The following ARHGAP32 variants were observed in gnomAD, a reference collection of about 807,000 sequenced individuals.
The protein encoded by ARHGAP32 is rho GTPase-activating protein 32.
Under a neutral mutation model 186.5 loss-of-function variants are expected in ARHGAP32, and 51 were observed. The observed-to-expected ratio is 0.27, with a 90% confidence interval of 0.22 to 0.35. The LOEUF (loss-of-function observed/expected upper bound fraction) is 0.35. ARHGAP32 is among the 10% of genes least tolerant of loss of function. ARHGAP32 has a pLI of 1.00. For synonymous variants in ARHGAP32, 950 were observed against 964.3 expected, an observed-to-expected ratio of 0.99 and a Z score of 0.27; for missense variants, 2,186 against 2,623.5, an observed-to-expected ratio of 0.83 and a Z score of 3.64.
chr11:129,084,305 T>C (rs1941312216), intron 6 of ARHGAP32, among the ~76,000 whole-genome samples: 1 of 151,302 alleles, frequency 6.6e-6, no homozygotes, highest in Non-Finnish European at 1.5e-5. Context: ...AGGCCAACAT[T>C]TTCCTAAGAC....
At chr11:129,191,508 C>A (rs927914102) in intron 1 of ARHGAP32, among the ~76,000 whole-genome samples, 1 of 151,994 alleles carries the variant, frequency 6.6e-6, no homozygotes, top group African/African-American at 2.4e-5. Context: ...ACTAATACTA[C>A]CAGAGATTCA....
intron 8 of ARHGAP32, 110 bp downstream of exon 8, chr11:129,064,731 C>A: frequency 1.3e-6 from 1 of 778,540 alleles, no homozygotes; most frequent in South Asian, 1.8e-5. Flanking sequence ...GAATATACTT[C>A]ATTTCTTTGA....
Position 129,177,548 on chromosome 11 carries a change from G to A in ARHGAP32, c.117-13121C>T, listed in dbSNP as rs560089268. ...ATGCAAAAACCCTTAATAAAATACT[G>A]GCAAACTGAATCCAGCAGCACATCA... On this transcript the variant is annotated intron_variant, in intron 1 of 22. Transcript: ENST00000682385. 4.6e-5 allele frequency among the ~76,000 whole-genome samples: 7 copies of A among 152,242 alleles called. No homozygotes were observed. In the East Asian group the frequency reaches 1.2e-3, roughly 25 times the overall value.
chr11:129,086,549 T>TGG lies in ARHGAP32; in HGVS notation c.531+7070_531+7071dup, dbSNP rs1565415024. On this transcript the variant is annotated intron_variant, in intron 6 of 22. Transcript: ENST00000682385. ...CAAAAGACACACTGATGGCCGGGCA[T>TGG]GGTGGCTCACGCCTGTAATCCCAGC... Among the ~76,000 whole-genome samples the TGG allele has an allele frequency of 6.2e-5, 4 of 64,890 alleles. No homozygotes were observed. The East Asian group carries it at 1.6e-3, about 25-fold the overall frequency. 42.6% of individuals were successfully genotyped at this position (64,890 alleles called of 152,430 possible).
At chr11:129,025,426 G>C (rs1439670644) in intron 11 of ARHGAP32, among the ~76,000 whole-genome samples, 1 of 152,174 alleles carries the variant, frequency 6.6e-6, no homozygotes, top group African/African-American at 2.4e-5. Flanking sequence ...AGATCATAGA[G>C]AATTCCAGTA....
chr11:129,238,737 A>G (rs1389648991), intron 1 of ARHGAP32, among the ~76,000 whole-genome samples: 1 of 144,198 alleles, frequency 6.9e-6, no homozygotes, highest in African/African-American at 2.6e-5. Context: ...CCAATTGCAT[A>G]ATCATAGAAC....
At chr11:129,198,598 T>C (rs559085503) in intron 1 of ARHGAP32, among the ~76,000 whole-genome samples, 1 of 152,336 alleles carries the variant, frequency 6.6e-6, no homozygotes, top group East Asian at 1.9e-4. Context: ...GTCCCTTTGG[T>C]CTTCCTTCAT....
chr11:129,255,922 G>A (rs969881325), intron 1 of ARHGAP32, among the ~76,000 whole-genome samples: 2 of 152,012 alleles, frequency 1.3e-5, no homozygotes, highest in Admixed American at 6.6e-5. Flanking sequence ...AGTAATATTC[G>A]TAAGTCAAAA....
At chr11:129,206,969 C>T (rs901563613) in intron 1 of ARHGAP32, among the ~76,000 whole-genome samples, 2 of 151,998 alleles carry the variant, frequency 1.3e-5, no homozygotes, top group Non-Finnish European at 2.9e-5. Flanking sequence ...GTGTTCTCAC[C>T]GCACAACTCC....
intron 11 of ARHGAP32, among the ~76,000 whole-genome samples, chr11:129,024,379 G>A (rs1307552160): frequency 1.3e-5 from 2 of 152,222 alleles, no homozygotes; most frequent in East Asian, 1.9e-4. Flanking sequence ...TTGCTAAGTA[G>A]GTGGGAGACA....
rs147105142 is a variant in ARHGAP32 at position 129,270,632 on chromosome 11, G to C, written c.-5+8514C>G. 4.6e-5 allele frequency among the ~76,000 whole-genome samples: 7 copies of C among 151,928 alleles called. No homozygotes were observed. In the East Asian group the frequency reaches 1.4e-3, roughly 29 times the overall value. ...ATATGCGACTCTGATGTGGGATGCT[G>C]ATAATGGGGGAAGCTGCATATGTGT... On this transcript the variant is annotated intron_variant, in intron 1 of 6. Transcript: ENST00000525234.
At chr11:129,090,305 A>G (rs1021568171) in intron 6 of ARHGAP32, among the ~76,000 whole-genome samples, 5 of 152,234 alleles carry the variant, frequency 3.3e-5, no homozygotes, top group Non-Finnish European at 5.9e-5. Flanking sequence ...ATTAGAGCAC[A>G]GGAGATATTC....
intron 1 of ARHGAP32, among the ~76,000 whole-genome samples, chr11:129,212,401 C>G (rs1401508041): frequency 6.6e-6 from 1 of 152,040 alleles, no homozygotes; most frequent in African/African-American, 2.4e-5. Flanking sequence ...GATATATGCA[C>G]ATACAGAAAG....
chr11:129,257,825 G>T (rs987892675), intron 1 of ARHGAP32, among the ~76,000 whole-genome samples: 2 of 151,312 alleles, frequency 1.3e-5, no homozygotes, highest in Non-Finnish European at 2.9e-5. Flanking sequence ...AGCATTATTT[G>T]CTATTCATCC....
chr11:129,265,011 G>A (rs1371731024), intron 1 of ARHGAP32, among the ~76,000 whole-genome samples: 1 of 152,132 alleles, frequency 6.6e-6, no homozygotes, highest in Non-Finnish European at 1.5e-5. Context: ...ATAAAAATCA[G>A]CATGAAAACC....
At chr11:129,043,381 CTTTTT>C (rs1213682729) in intron 10 of ARHGAP32, among the ~76,000 whole-genome samples, 5 of 103,340 alleles carry the variant, frequency 4.8e-5, no homozygotes, top group Non-Finnish European at 5.6e-5. Flanking sequence ...TTCTTTTTTT[CTTTTT>C]TTTTTTTTTT....
At chr11:129,243,485 G>C (rs1489373299) in intron 1 of ARHGAP32, among the ~76,000 whole-genome samples, 1 of 152,022 alleles carries the variant, frequency 6.6e-6, no homozygotes, top group Non-Finnish European at 1.5e-5. Context: ...ATAATAAGTG[G>C]AAAAAAATAG....
Position 128,972,727 on chromosome 11 carries a change from T to G in ARHGAP32, c.3779A>C (p.Tyr1260Ser), listed in dbSNP as rs371060410. 1 of 1,613,778 alleles carries G rather than the reference T, an allele frequency of 6.2e-7. No homozygotes were observed. The highest frequency in any genetic ancestry group is 1.1e-5 in the South Asian group (1 of 91,056). ...TPPNLPSDKI[Y>S]PPSGSPEENT... ...CTCTTCGGGGGACCCAGAAGGAGGG[T>G]AGATTTTATCGCTAGGTAAATTAGG... Residue 1260 changes from tyrosine (Y) to serine (S), a missense_variant, in exon 22 of 23, where the codon TAC becomes TCC. By Grantham distance (144) the Tyr-to-Ser change is moderately radical. Coordinates refer to ENST00000682385, the MANE Select transcript of ARHGAP32 (RefSeq NM_001378024.1).
At chr11:128,999,744 G>A (rs143977864) in intron 11 of ARHGAP32, among the ~76,000 whole-genome samples, 5 of 152,246 alleles carry the variant, frequency 3.3e-5, no homozygotes, top group South Asian at 2.1e-4. Flanking sequence ...TGGTTCCCCC[G>A]ATATCTTCTC....
Sources: gnomAD v4.1 joint callset for allele counts (sites outside exome capture counted in the v4.1 genomes callset) on GRCh38, gnomAD v4.1.1 for gene constraint, MANE v1.5 for transcripts, NCBI Gene and HGNC (gene_info 2026-07-23, HGNC 2026-07-21) for gene names.